The following MSRA variants were observed in gnomAD, a reference collection of about 807,000 sequenced individuals.
MSRA encodes the protein mitochondrial peptide methionine sulfoxide reductase.
MSRA carries 54 observed loss-of-function variants against 31.3 expected under a neutral mutation model. The observed-to-expected ratio is 1.73, with a 90% CI of 1.39 to 2.17. The LOEUF (loss-of-function observed/expected upper bound fraction) is 2.17, where lower values mean the gene tolerates loss of function less well. Among genes scored for constraint, MSRA ranks in the 30% most tolerant of loss-of-function variants. The pLI is 0.00. For synonymous variants in MSRA, 169 were observed against 116.5 expected, an observed-to-expected ratio of 1.45 and a Z score of -2.90; for missense variants, 507 against 300.9, an observed-to-expected ratio of 1.69 and a Z score of -5.07.
At chr8:10,096,056 AT>A in intron 1 of MSRA, 2 of 1,384,918 alleles carry the variant, frequency 1.4e-6, no homozygotes, top group Non-Finnish European at 1.9e-6. Flanking sequence ...AAGTTTTTAG[AT>A]TTTATTTTAT....
chr8:10,427,334 C>T (rs1809240026), intron 5 of MSRA, among the ~76,000 whole-genome samples: 1 of 152,210 alleles, frequency 6.6e-6, no homozygotes, highest in Admixed American at 6.5e-5. Context: ...GGAGCAATGT[C>T]TATTTCTTAG....
intron 2 of MSRA, among the ~76,000 whole-genome samples, chr8:10,223,433 C>A (rs959823573): frequency 6.6e-6 from 1 of 152,174 alleles, no homozygotes; most frequent in African/African-American, 2.4e-5. Flanking sequence ...TCAGCATTTG[C>A]GTCTATCTCT....
chr8:10,240,026 A>T (rs903954760), intron 2 of MSRA, among the ~76,000 whole-genome samples: 1 of 152,146 alleles, frequency 6.6e-6, no homozygotes, highest in Non-Finnish European at 1.5e-5. Context: ...CTGTGGGCTC[A>T]CTGCTGCATT....
intron 1 of MSRA, among the ~76,000 whole-genome samples, chr8:10,098,902 G>T (rs191118030): frequency 2.0e-5 from 3 of 152,230 alleles, no homozygotes; most frequent in African/African-American, 7.2e-5. Flanking sequence ...TGGCTGCAAC[G>T]TAAACAACAG....
chr8:10,325,491 C>G (rs1052733082), intron 5 of MSRA, among the ~76,000 whole-genome samples: 1 of 152,044 alleles, frequency 6.6e-6, no homozygotes, highest in Non-Finnish European at 1.5e-5. Flanking sequence ...ATTTGTTTAG[C>G]TGTAGATGTG....
intron 1 of MSRA, among the ~76,000 whole-genome samples, chr8:10,109,132 A>C: frequency 6.6e-6 from 1 of 152,172 alleles, no homozygotes; most frequent in East Asian, 1.9e-4. Flanking sequence ...AGCATAGCAA[A>C]ACACAAATTA....
At chr8:10,084,949 C>T (rs913581140) in intron 1 of MSRA, among the ~76,000 whole-genome samples, 2 of 151,866 alleles carry the variant, frequency 1.3e-5, no homozygotes, top group African/African-American at 2.4e-5. Flanking sequence ...AAGCTGGTTC[C>T]CCTTTATATT....
intron 3 of MSRA, among the ~76,000 whole-genome samples, chr8:10,278,122 A>G (rs867413309): frequency 6.6e-6 from 1 of 152,034 alleles, no homozygotes; most frequent in South Asian, 2.1e-4. Context: ...TACAGATATC[A>G]TTTTCAGAAA....
intron 1 of MSRA, among the ~76,000 whole-genome samples, chr8:10,077,720 C>G (rs1368654051): frequency 1.3e-5 from 2 of 152,080 alleles, no homozygotes; most frequent in East Asian, 3.9e-4. Context: ...CTTCTGACAA[C>G]TCATCTATTA....
intron 3 of MSRA, among the ~76,000 whole-genome samples, chr8:10,286,516 G>T (rs548638770): frequency 6.6e-6 from 1 of 152,328 alleles, no homozygotes; most frequent in East Asian, 1.9e-4. Context: ...ACTGTAAGTA[G>T]GATAAACCTC....
chr8:10,180,604 T>C (rs1447765711), intron 1 of MSRA, among the ~76,000 whole-genome samples: 1 of 152,182 alleles, frequency 6.6e-6, no homozygotes, highest in Non-Finnish European at 1.5e-5. Context: ...AGGGGTTTGC[T>C]ATGACTAACA....
intron 5 of MSRA, among the ~76,000 whole-genome samples, chr8:10,386,152 T>A (rs1806378274): frequency 6.6e-6 from 1 of 152,202 alleles, no homozygotes; most frequent in Non-Finnish European, 1.5e-5. Context: ...TATATTTCTT[T>A]TAATTCTTAT....
chr8:10,112,849 C>A (rs1363176001), intron 1 of MSRA, among the ~76,000 whole-genome samples: 1 of 152,166 alleles, frequency 6.6e-6, no homozygotes, highest in Non-Finnish European at 1.5e-5. Context: ...GCAGCCATTC[C>A]TTGTCTGAAG....
At chr8:10,114,826 A>G (rs965395029) in intron 1 of MSRA, among the ~76,000 whole-genome samples, 1 of 152,242 alleles carries the variant, frequency 6.6e-6, no homozygotes, top group African/African-American at 2.4e-5. Context: ...TCTCATATGT[A>G]AATGTAATAT....
intron 1 of MSRA, among the ~76,000 whole-genome samples, chr8:10,145,427 G>A (rs960220227): frequency 1.3e-5 from 2 of 152,184 alleles, no homozygotes; most frequent in Admixed American, 1.3e-4. Context: ...CTCGCTTGTT[G>A]ATTCAGGCTG....
intron 1 of MSRA, among the ~76,000 whole-genome samples, chr8:10,062,442 G>A (rs1797251120): frequency 1.3e-5 from 2 of 152,192 alleles, no homozygotes; most frequent in Non-Finnish European, 1.5e-5. Context: ...TCGATATGTA[G>A]CACTACACAA....
At chr8:10,342,661 C>T (rs1002993121) in intron 5 of MSRA, among the ~76,000 whole-genome samples, 14 of 152,154 alleles carry the variant, frequency 9.2e-5, no homozygotes, top group African/African-American at 3.4e-4. Context: ...GGAAGGCCTC[C>T]GAGTCCAGCG....
intron 5 of MSRA, among the ~76,000 whole-genome samples, chr8:10,403,956 C>T (rs1324792415): frequency 6.6e-6 from 1 of 152,216 alleles, no homozygotes; most frequent in Admixed American, 6.5e-5. Context: ...GACCCATGAG[C>T]ATTTAAGAGA....
intron 1 of MSRA, among the ~76,000 whole-genome samples, chr8:10,186,081 C>T (rs907270927): frequency 3.9e-5 from 6 of 152,140 alleles, no homozygotes; most frequent in Admixed American, 3.9e-4. Flanking sequence ...CTGATCCTTA[C>T]CGTGTTGGAC....
Sources: gnomAD v4.1 joint callset for allele counts (sites outside exome capture counted in the v4.1 genomes callset) on GRCh38, gnomAD v4.1.1 for gene constraint, MANE v1.5 for transcripts, NCBI Gene and HGNC (gene_info 2026-07-23, HGNC 2026-07-21) for gene names.